Variants in TBC1D22A observed in about 807,000 individuals in gnomAD.
The protein encoded by TBC1D22A is putative GTPase activator.
A neutral mutation model predicts 60.2 loss-of-function variants in TBC1D22A; 38 were observed. The observed-to-expected ratio is 0.63, with a 90% CI of 0.49 to 0.83. The LOEUF (loss-of-function observed/expected upper bound fraction) is 0.83, where lower values mean the gene tolerates loss of function less well. Among genes scored for constraint, TBC1D22A ranks in the 40% least tolerant of loss-of-function variants. The pLI is 0.00. For synonymous variants in TBC1D22A, 302 were observed against 281.7 expected (o/e 1.07, Z -0.72); for missense variants, 628 against 701.0 (o/e 0.90, Z 1.18).
intron 11 of TBC1D22A, among the ~76,000 whole-genome samples, chr22:47,100,565 T>C (rs1248061607): frequency 1.3e-5 from 2 of 152,126 alleles, no homozygotes; most frequent in Non-Finnish European, 1.5e-5. Context: ...GCTGTTCTCA[T>C]GATGGTGAAT....
rs1007529328 is a variant in TBC1D22A, at chr22:46,997,667, A to G, written c.1159A>G (p.Met387Val). ...CACCTTTGCCCAACCTGGGATTCAA[A>G]TGAAAGTGAAAATGTTAGAAGAACT... ...NYTFAQPGIQ[M>V]KVKMLEELVS... The change falls in exon 10 of 13, where the codon ATG becomes GTG. Residue 387 changes from methionine to valine, a missense_variant. Physicochemically the swap from Met to Val is conservative, Grantham distance 21. Transcript: ENST00000337137. 2 of 1,613,966 alleles carry G rather than the reference A, an allele frequency of 1.2e-6. No homozygotes were observed. The highest frequency in any genetic ancestry group is 2.7e-5 in the African/African-American group (2 of 74,934).
intron 4 of TBC1D22A, among the ~76,000 whole-genome samples, chr22:46,817,402 T>C (rs2085649731): frequency 1.3e-5 from 2 of 152,112 alleles, no homozygotes; most frequent in South Asian, 2.1e-4. Context: ...CTAAATTCCC[T>C]CCCCTCACCC....
At position 46,798,238 on chromosome 22, in the gene TBC1D22A, G is replaced by A. The variant is rs192699846; in HGVS notation, c.637+618G>A. Among the ~76,000 whole-genome samples, 4 of 152,348 alleles carry A rather than the reference G, an allele frequency of 2.6e-5. No homozygotes were observed. In the East Asian group the frequency reaches 7.7e-4, roughly 29 times the overall value. ...TATTGCTGCCCTTGGTGAGCCCTTC[G>A]AGGCTGGCCAGGTGGACATCCTTGT... is the stretch of plus-strand genomic sequence containing the variant. On this transcript the variant is annotated intron_variant, in intron 4 of 12. Coordinates refer to ENST00000337137, the MANE Select transcript of TBC1D22A (RefSeq NM_014346.5).
intron 11 of TBC1D22A, among the ~76,000 whole-genome samples, chr22:47,038,279 G>A (rs1807722): frequency 0.56 from 84,769 of 152,100 alleles, 26,129 homozygotes; most frequent in Middle Eastern, 0.74. Context: ...TTCATCGGCT[G>A]CACGTTCAGG....
intron 7 of TBC1D22A, among the ~76,000 whole-genome samples, chr22:46,906,621 G>A (rs1456249438): frequency 6.6e-6 from 1 of 152,174 alleles, no homozygotes; most frequent in Non-Finnish European, 1.5e-5. Context: ...TTGGAAATAG[G>A]AAGGCTTTTC....
At chr22:46,850,943 C>A (rs1384494884) in intron 4 of TBC1D22A, among the ~76,000 whole-genome samples, 2 of 152,140 alleles carry the variant, frequency 1.3e-5, no homozygotes, top group Non-Finnish European at 2.9e-5. Flanking sequence ...TTGTATGACT[C>A]CTATTTATAT....
chr22:46,969,335 C>G (rs1265122391), intron 8 of TBC1D22A, among the ~76,000 whole-genome samples: 1 of 152,164 alleles, frequency 6.6e-6, no homozygotes. Flanking sequence ...CAGGAGTGTT[C>G]AGACATTCCT....
At chr22:46,904,054 A>G (rs983294435) in intron 7 of TBC1D22A, among the ~76,000 whole-genome samples, 4 of 152,046 alleles carry the variant, frequency 2.6e-5, no homozygotes, top group South Asian at 2.1e-4. Flanking sequence ...ATATATATGT[A>G]TATATATATG....
chr22:47,102,947 G>T (rs1017345833), intron 11 of TBC1D22A, among the ~76,000 whole-genome samples: 1 of 152,174 alleles, frequency 6.6e-6, no homozygotes, highest in African/African-American at 2.4e-5. Context: ...GCTACTCAGG[G>T]CTGGTTCCCT....
chr22:46,915,951 T>C (rs2070340159), intron 8 of TBC1D22A: 1 of 443,884 alleles, frequency 2.3e-6, no homozygotes, highest in Non-Finnish European at 4.5e-6. Context: ...GTTACGTTCT[T>C]TGACTTGGAA....
chr22:47,047,507 G>C (rs2063069609), intron 11 of TBC1D22A, among the ~76,000 whole-genome samples: 1 of 152,190 alleles, frequency 6.6e-6, no homozygotes, highest in South Asian at 2.1e-4. Flanking sequence ...GAAATAGATG[G>C]AGACAGCCCC....
intron 10 of TBC1D22A, among the ~76,000 whole-genome samples, chr22:47,003,852 C>G (rs1400277436): frequency 7.5e-6 from 1 of 133,470 alleles, no homozygotes; most frequent in African/African-American, 2.7e-5. Flanking sequence ...CGCACACATG[C>G]CTGTATACAC....
chr22:47,153,427 G>T (rs940361725), intron 12 of TBC1D22A, among the ~76,000 whole-genome samples: 4 of 152,112 alleles, frequency 2.6e-5, no homozygotes, highest in African/African-American at 9.7e-5. Flanking sequence ...CCCCTGCCAT[G>T]GTGCTCCAAG....
chr22:46,968,424 C>T (rs2073910229), intron 8 of TBC1D22A, among the ~76,000 whole-genome samples: 1 of 152,192 alleles, frequency 6.6e-6, no homozygotes, highest in Non-Finnish European at 1.5e-5. Flanking sequence ...TGGACGTGTG[C>T]GCCCCCACGC....
chr22:47,015,977 C>T (rs1469063813), intron 10 of TBC1D22A, among the ~76,000 whole-genome samples: 7 of 152,282 alleles, frequency 4.6e-5, no homozygotes, highest in African/African-American at 1.7e-4. Flanking sequence ...GTCTCCTTGG[C>T]GTCCACTGGC....
chr22:47,051,901 A>T (rs1397313265), intron 11 of TBC1D22A, among the ~76,000 whole-genome samples: 1 of 152,252 alleles, frequency 6.6e-6, no homozygotes, highest in East Asian at 1.9e-4. Flanking sequence ...TCTTACCCTG[A>T]AAGGCGGTCA....
intron 8 of TBC1D22A, among the ~76,000 whole-genome samples, chr22:46,950,960 A>T (rs2072867605): frequency 6.6e-6 from 1 of 152,202 alleles, no homozygotes; most frequent in South Asian, 2.1e-4. Context: ...TGTTCGGGAT[A>T]TGTGTTTGTC....
intron 1 of TBC1D22A, among the ~76,000 whole-genome samples, chr22:46,787,311 C>T (rs10222331): frequency 0.037 from 5,673 of 152,188 alleles, 364 homozygotes; most frequent in African/African-American, 0.13. Context: ...TTTAAGGAAA[C>T]AACCAGACCA....
intron 12 of TBC1D22A, 127 bp downstream of exon 12, chr22:47,111,730 ACCT>A (rs2065854454): frequency 2.5e-6 from 2 of 814,130 alleles, no homozygotes; most frequent in African/African-American, 1.7e-5. Context: ...TTCGCCGCTG[ACCT>A]CCTGCTGGTT....
Sources: allele counts gnomAD v4.1 joint callset (sites outside exome capture counted in the v4.1 genomes callset), GRCh38; gene constraint gnomAD v4.1.1; transcripts MANE v1.5; gene names NCBI Gene and HGNC (gene_info 2026-07-23, HGNC 2026-07-21).